Variants in ARHGAP31 observed in about 807,000 individuals in gnomAD.
The protein encoded by ARHGAP31 is Rho GTPase activating protein 31.
Under a neutral mutation model 113.9 loss-of-function variants are expected in ARHGAP31, and 34 were observed. The observed-to-expected ratio is 0.30, with a 90% confidence interval of 0.23 to 0.40. The LOEUF is 0.40. ARHGAP31 is among the 10% of genes least tolerant of loss of function. The probability of loss-of-function intolerance (pLI) is 1.00; values close to 1 mark genes in which losing one functional copy is unlikely to be tolerated. For missense variants in ARHGAP31, 1,548 were observed against 1,767.1 expected, an observed-to-expected ratio of 0.88 and a Z score of 2.22; for synonymous variants, 650 against 684.8, an observed-to-expected ratio of 0.95 and a Z score of 0.79.
intron 4 of ARHGAP31, among the ~76,000 whole-genome samples, 172 bp from the exon 5 acceptor site, chr3:119,382,120 T>C (rs1453780175): frequency 6.6e-6 from 1 of 152,174 alleles, no homozygotes; most frequent in East Asian, 1.9e-4. Flanking sequence ...TGAGTCAATG[T>C]GCCTAGGGCC....
At chr3:119,405,572 C>G (rs1228382662) in intron 10 of ARHGAP31, among the ~76,000 whole-genome samples, 1 of 152,192 alleles carries the variant, frequency 6.6e-6, no homozygotes, top group East Asian at 1.9e-4. Context: ...CATAGCCACA[C>G]TACCCTCAGG....
Position 119,415,215 on chromosome 3 carries a change from G to A in ARHGAP31, c.3286G>A (p.Gly1096Arg). The A allele has an allele frequency of 6.2e-7, 1 of 1,614,168 alleles. No homozygotes were observed. The highest frequency in any genetic ancestry group is 1.1e-5 in the South Asian group (1 of 91,084). Residue 1096 changes from glycine to arginine, a missense_variant, in exon 12 of 12, where the codon GGG becomes AGG. By Grantham distance (125) the Gly-to-Arg change is moderately radical. Transcript: ENST00000264245. ...GTTACAGCTAAAGAGCACAGAGTGTGGGCCCCCAAAAGGGAAAAACAGGCC... is the reference window on the plus strand; with the variant it reads ...GTTACAGCTAAAGAGCACAGAGTGTAGGCCCCCAAAAGGGAAAAACAGGCC... ...AKLQLKSTEC[G>R]PPKGKNRPSS...
At position 119,414,842 on chromosome 3, in the gene ARHGAP31, C is replaced by T. The variant is rs778503051; in HGVS notation, c.2913C>T (p.Ser971=). 1.2e-6 allele frequency: 2 copies of T among 1,614,224 alleles called. No individual in the cohort carries two copies. The highest frequency in any genetic ancestry group is 2.2e-5 in the South Asian group (2 of 91,084). Residue 971 remains serine, a synonymous_variant, in exon 12 of 12, where the codon TCC becomes TCT. Coordinates refer to ENST00000264245, the MANE Select transcript of ARHGAP31 (RefSeq NM_020754.4). ...GCCAGTGGACTCTCGAGGTTCCCTCCTCCAGCAGCTGTGCTAATCTTGAAA... is the reference window on the plus strand; with the variant it reads ...GCCAGTGGACTCTCGAGGTTCCCTCTTCCAGCAGCTGTGCTAATCTTGAAA... ...VKSQWTLEVP[S]SSSCANLETE... is the part of the protein sequence containing the mutation.
rs772306131 is a variant in ARHGAP31 at position 119,414,404 on chromosome 3, A to T, written c.2475A>T (p.Gln825His). 1.9e-6 allele frequency: 3 copies of T among 1,614,216 alleles called. No homozygotes were observed. The South Asian group carries it at 3.3e-5, about 18-fold the overall frequency. ...TDLYIDQLKS[Q>H]DSPEISSLCQ... ...TCTACATAGACCAGCTGAAGTCCCA[A>T]GACAGCCCTGAGATCTCTAGCCTCT... Residue 825 changes from glutamine to histidine, a missense_variant, in exon 12 of 12, where the codon CAA becomes CAT. By Grantham distance (24) the Gln-to-His change is conservative (BLOSUM62 0). Transcript: ENST00000264245.
chr3:119,338,417 T>G (rs1329138140), intron 1 of ARHGAP31, among the ~76,000 whole-genome samples: 1 of 152,192 alleles, frequency 6.6e-6, no homozygotes, highest in Non-Finnish European at 1.5e-5. Flanking sequence ...ATTTAATTGG[T>G]AGATGTGAAA....
chr3:119,411,311 A>G (rs1577034984), intron 11 of ARHGAP31, among the ~76,000 whole-genome samples: 1 of 152,118 alleles, frequency 6.6e-6, no homozygotes, highest in Non-Finnish European at 1.5e-5. Flanking sequence ...TCAGGAGGGG[A>G]GTATGTGGTA....
At chr3:119,383,307 G>A (rs1338413447) in intron 6 of ARHGAP31, 81 bp downstream of exon 6, 1 of 1,571,236 alleles carries the variant, frequency 6.4e-7, no homozygotes, top group Non-Finnish European at 8.7e-7. Flanking sequence ...AGAAAGTGAG[G>A]GTGGGCTTAG....
intron 1 of ARHGAP31, among the ~76,000 whole-genome samples, chr3:119,300,842 A>AAAG (rs1553757925): frequency 1.3e-3 from 186 of 139,012 alleles, no homozygotes; most frequent in East Asian, 5.2e-3. Flanking sequence ...AAAAAAAAAA[A>AAAG]AAAGAAAGAA....
Position 119,416,242 on chromosome 3 carries a change from G to T in ARHGAP31, c.4313G>T (p.Arg1438Ile), listed in dbSNP as rs570816342. 6.2e-7 allele frequency: 1 copy of T among 1,614,088 alleles called. No homozygotes were observed. Among genetic ancestry groups the T allele is most frequent in the East Asian group, 2.2e-5 (1 of 44,888 alleles). The change falls in exon 12 of 12, where the codon AGA becomes ATA. Residue 1438 changes from arginine to isoleucine, a missense_variant. Arg to Ile is a moderately conservative substitution (Grantham distance 97). Coordinates refer to ENST00000264245, the MANE Select transcript of ARHGAP31 (RefSeq NM_020754.4). The stretch of plus-strand genomic sequence containing the variant: ...CGGAGATCAGTAATTCTGGATGGAA[G>T]AAGTGGGAGGCAAATAGAATGATTT... ...PQRRSVILDG[R>I]SGRQIE
chr3:119,315,458 C>T (rs912779239), intron 1 of ARHGAP31, among the ~76,000 whole-genome samples: 50 of 152,322 alleles, frequency 3.3e-4, no homozygotes, highest in Non-Finnish European at 7.1e-4. Context: ...AACTTAGCAG[C>T]AGAGCACGAT....
At chr3:119,309,137 T>A (rs2079656613) in intron 1 of ARHGAP31, among the ~76,000 whole-genome samples, 1 of 152,192 alleles carries the variant, frequency 6.6e-6, no homozygotes, top group South Asian at 2.1e-4. Flanking sequence ...CCACCGTGCC[T>A]GGCCAATTAA....
chr3:119,351,151 C>T (rs1414920512), intron 1 of ARHGAP31, among the ~76,000 whole-genome samples: 1 of 152,196 alleles, frequency 6.6e-6, no homozygotes, highest in African/African-American at 2.4e-5. Context: ...TACCCCAGCA[C>T]CTACTGCCTG....
At chr3:119,399,345 C>T (rs936356708) in intron 9 of ARHGAP31, 84 bp downstream of exon 9, 2 of 1,168,244 alleles carry the variant, frequency 1.7e-6, no homozygotes, top group Middle Eastern at 1.9e-4. Context: ...GTCATGCCTG[C>T]TTCTCTATAG....
At chr3:119,328,348 A>G (rs1435766537) in intron 1 of ARHGAP31, among the ~76,000 whole-genome samples, 2 of 152,130 alleles carry the variant, frequency 1.3e-5, no homozygotes, top group Non-Finnish European at 1.5e-5. Context: ...GAGGGTCCTG[A>G]TGCTTGACTC....
chr3:119,326,372 A>G (rs1374750105), intron 1 of ARHGAP31, among the ~76,000 whole-genome samples: 1 of 152,114 alleles, frequency 6.6e-6, no homozygotes, highest in African/African-American at 2.4e-5. Context: ...GCTACTGTAC[A>G]GATCCAGAAA....
At chr3:119,328,300 A>G (rs532219972) in intron 1 of ARHGAP31, among the ~76,000 whole-genome samples, 1 of 152,262 alleles carries the variant, frequency 6.6e-6, no homozygotes, top group South Asian at 2.1e-4. Context: ...TAACTGGTGG[A>G]TTGTGGAATT....
intron 3 of ARHGAP31, among the ~76,000 whole-genome samples, chr3:119,373,442 TTTG>T (rs199959450): frequency 6.7e-6 from 1 of 150,074 alleles, no homozygotes; most frequent in Admixed American, 6.6e-5. Flanking sequence ...GGCTTTTTTT[TTTG>T]TTGTTGTTGG....
At chr3:119,311,759 AG>A (rs2079685503) in intron 1 of ARHGAP31, among the ~76,000 whole-genome samples, 1 of 152,196 alleles carries the variant, frequency 6.6e-6, no homozygotes. Context: ...TGTCCTGGGG[AG>A]GGAATGTGGG....
intron 3 of ARHGAP31, among the ~76,000 whole-genome samples, chr3:119,370,399 G>T (rs796456896): frequency 1.4e-4 from 22 of 152,190 alleles, no homozygotes; most frequent in African/African-American, 5.1e-4. Context: ...TTTTGTTGTG[G>T]TTTGTGTTTT....
Sources: gnomAD v4.1 joint callset for allele counts (sites outside exome capture counted in the v4.1 genomes callset) on GRCh38, gnomAD v4.1.1 for gene constraint, MANE v1.5 for transcripts, NCBI Gene and HGNC (gene_info 2026-07-23, HGNC 2026-07-21) for gene names.